The following CDH13 variants were observed in gnomAD, a reference collection of about 807,000 sequenced individuals.
CDH13 encodes the protein cadherin-13.
CDH13 carries 24 observed loss-of-function variants against 63.8 expected under a neutral mutation model. That is an observed-to-expected ratio of 0.38 (90% CI 0.27 to 0.53). CDH13 has a LOEUF of 0.53. Among genes scored for constraint, CDH13 ranks in the 20% least tolerant of loss-of-function variants. The pLI is 0.85. For missense variants in CDH13, 1,049 were observed against 903.1 expected (o/e 1.16, Z -2.07); for synonymous variants, 503 against 355.3 (o/e 1.42, Z -4.67).
chr16:82,868,588 C>T (rs1038937238), intron 2 of CDH13, among the ~76,000 whole-genome samples: 3 of 152,128 alleles, frequency 2.0e-5, no homozygotes, highest in South Asian at 2.1e-4. Flanking sequence ...ACTTCTCAGA[C>T]GAGGAACATG....
intron 5 of CDH13, among the ~76,000 whole-genome samples, chr16:83,240,751 A>G (rs996039530): frequency 5.1e-5 from 6 of 117,678 alleles, no homozygotes; most frequent in Non-Finnish European, 1.0e-4. Context: ...TTTGAGAAAC[A>G]AGGTTTCACT....
chr16:83,391,434 G>C (rs912377763), intron 6 of CDH13, among the ~76,000 whole-genome samples: 1 of 151,956 alleles, frequency 6.6e-6, no homozygotes, highest in Non-Finnish European at 1.5e-5. Context: ...TCGAACTCCC[G>C]ACCTCGTGAT....
intron 5 of CDH13, among the ~76,000 whole-genome samples, chr16:83,302,913 G>A (rs1402420790): frequency 6.6e-6 from 1 of 152,152 alleles, no homozygotes; most frequent in Non-Finnish European, 1.5e-5. Context: ...TCAGAGGAAG[G>A]GCAGACTTCC....
chr16:83,647,772 C>T (rs1911973668), intron 8 of CDH13, among the ~76,000 whole-genome samples: 1 of 152,072 alleles, frequency 6.6e-6, no homozygotes, highest in South Asian at 2.1e-4. Flanking sequence ...TTGGTGGGTA[C>T]CAGCAGTGGT....
rs80089927 is a variant in CDH13, at chr16:82,719,098, A to C, written c.45+91961A>C. Among the ~76,000 whole-genome samples, 755 of 152,208 alleles carry C rather than the reference A, an allele frequency of 5.0e-3. 7 individuals carry two copies. Among genetic ancestry groups the C allele is most frequent in the Middle Eastern group, 0.017 (5 of 294 alleles). ...AGCCTTAAATCAGCTATGCCATGTG[A>C]AAGTTATTTGCAGTTTGTGAAGTCC... On this transcript the variant is annotated intron_variant, in intron 1 of 13. Transcript: ENST00000567109.
At chr16:83,695,958 C>A (rs1340009222) in intron 10 of CDH13, among the ~76,000 whole-genome samples, 1 of 151,462 alleles carries the variant, frequency 6.6e-6, no homozygotes, top group African/African-American at 2.4e-5. Flanking sequence ...GGTGCAGTCT[C>A]GGCTCCCTAC....
At chr16:83,184,972 T>G (rs555866478) in intron 4 of CDH13, among the ~76,000 whole-genome samples, 10 of 152,162 alleles carry the variant, frequency 6.6e-5, no homozygotes, top group Non-Finnish European at 1.2e-4. Context: ...AATACACACT[T>G]ATAAGTGTAC....
chr16:83,398,528 G>GAC (rs1470836541), intron 6 of CDH13, among the ~76,000 whole-genome samples: 14 of 152,118 alleles, frequency 9.2e-5, no homozygotes, highest in African/African-American at 3.1e-4. Context: ...CATCTGCAAA[G>GAC]ACACACCCCC....
At chr16:83,677,230 C>T (rs778732486) in intron 9 of CDH13, among the ~76,000 whole-genome samples, 27 of 152,264 alleles carry the variant, frequency 1.8e-4, no homozygotes, top group African/African-American at 5.1e-4. Flanking sequence ...CAATTGGCAG[C>T]GCCATTGTAT....
At chr16:82,868,988 A>C (rs1399068562) in intron 2 of CDH13, among the ~76,000 whole-genome samples, 1 of 152,198 alleles carries the variant, frequency 6.6e-6, no homozygotes, top group African/African-American at 2.4e-5. Flanking sequence ...CAGCAATCTC[A>C]ACAGTCTGTT....
intron 1 of CDH13, chr16:82,719,406 G>C (rs1231325247): frequency 2.2e-6 from 1 of 455,860 alleles, no homozygotes. Context: ...CCCTTCCACT[G>C]GCTGTCCAAT....
intron 1 of CDH13, among the ~76,000 whole-genome samples, chr16:82,651,576 G>A (rs1038577988): frequency 6.6e-6 from 1 of 152,202 alleles, no homozygotes; most frequent in Non-Finnish European, 1.5e-5. Flanking sequence ...AGCATTTACT[G>A]TGCATTGTCT....
At chr16:83,168,869 A>G (rs2037802804) in intron 4 of CDH13, among the ~76,000 whole-genome samples, 1 of 152,148 alleles carries the variant, frequency 6.6e-6, no homozygotes, top group African/African-American at 2.4e-5. Flanking sequence ...TGTCCACATA[A>G]GAAAACATCT....
intron 1 of CDH13, among the ~76,000 whole-genome samples, chr16:82,791,200 G>T (rs949940084): frequency 1.4e-5 from 2 of 142,662 alleles, no homozygotes; most frequent in African/African-American, 5.3e-5. Flanking sequence ...TCACGCCACT[G>T]CACTCCAGCC....
chr16:83,147,495 A>G (rs2036800745), intron 4 of CDH13, among the ~76,000 whole-genome samples: 1 of 152,142 alleles, frequency 6.6e-6, no homozygotes, highest in Admixed American at 6.5e-5. Flanking sequence ...CTGGTGCCTT[A>G]TCCTGCAGCC....
chr16:83,066,400 G>C (rs1393187572), intron 3 of CDH13, among the ~76,000 whole-genome samples: 1 of 152,166 alleles, frequency 6.6e-6, no homozygotes, highest in Non-Finnish European at 1.5e-5. Context: ...CCCAGGAAAA[G>C]TCCTAAACAA....
intron 5 of CDH13, among the ~76,000 whole-genome samples, chr16:83,305,330 C>G (rs1049825692): frequency 4.6e-5 from 7 of 152,218 alleles, no homozygotes; most frequent in African/African-American, 1.7e-4. Flanking sequence ...TGTTTCTAGG[C>G]ATCCAGCTAT....
At chr16:82,856,169 G>A (rs1243406939) in intron 1 of CDH13, among the ~76,000 whole-genome samples, 1 of 151,994 alleles carries the variant, frequency 6.6e-6, no homozygotes, top group Non-Finnish European at 1.5e-5. Context: ...GAGGTCAGCA[G>A]ATCGAGACCA....
At chr16:83,239,014 T>C (rs1904291387) in intron 5 of CDH13, among the ~76,000 whole-genome samples, 2 of 152,202 alleles carry the variant, frequency 1.3e-5, no homozygotes, top group South Asian at 4.1e-4. Context: ...TTGCATGTGC[T>C]GTTACTGGCA....
Sources: gnomAD v4.1 joint callset for allele counts (sites outside exome capture counted in the v4.1 genomes callset) on GRCh38, gnomAD v4.1.1 for gene constraint, MANE v1.5 for transcripts, NCBI Gene and HGNC (gene_info 2026-07-23, HGNC 2026-07-21) for gene names.